The following SUPT3H variants were observed in gnomAD, a reference collection of about 807,000 sequenced individuals.
SUPT3H encodes the protein SPT3 homolog, SAGA and STAGA complex component.
A neutral mutation model predicts 44.3 loss-of-function variants in SUPT3H; 44 were observed. The observed-to-expected ratio is 0.99, with a 90% CI of 0.78 to 1.28. The LOEUF (loss-of-function observed/expected upper bound fraction) is 1.28, where lower values mean the gene tolerates loss of function less well. Among genes scored for constraint, SUPT3H ranks in the 50% most tolerant of loss-of-function variants. The pLI is 0.00. For synonymous variants in SUPT3H, 124 were observed against 125.6 expected (o/e 0.99, Z 0.09); for missense variants, 380 against 387.1 (o/e 0.98, Z 0.15).
At chr6:45,203,488 T>A (rs767832332) in intron 2 of SUPT3H, among the ~76,000 whole-genome samples, 4 of 152,202 alleles carry the variant, frequency 2.6e-5, no homozygotes, top group Non-Finnish European at 5.9e-5. Context: ...TCTTACTGCA[T>A]CCCCTTGCCC....
At chr6:45,100,006 T>G (rs1798326198) in intron 3 of SUPT3H, among the ~76,000 whole-genome samples, 1 of 152,028 alleles carries the variant, frequency 6.6e-6, no homozygotes, top group African/African-American at 2.4e-5. Context: ...GTCTTTTCAA[T>G]AAACGGTGCT....
intron 1 of SUPT3H, among the ~76,000 whole-genome samples, chr6:45,365,846 A>G (rs567457881): frequency 4.0e-5 from 6 of 150,058 alleles, no homozygotes; most frequent in African/African-American, 1.5e-4. Flanking sequence ...AAAAGCCTAA[A>G]ATACAAATAA....
At chr6:45,304,961 AC>A in intron 2 of SUPT3H, among the ~76,000 whole-genome samples, 1 of 152,318 alleles carries the variant, frequency 6.6e-6, no homozygotes, top group Admixed American at 6.5e-5. Flanking sequence ...ACTCAAGAAC[AC>A]CATGGCCTGA....
chr6:45,348,973 T>C (rs1791486173), intron 2 of SUPT3H, among the ~76,000 whole-genome samples: 2 of 152,302 alleles, frequency 1.3e-5, no homozygotes, highest in South Asian at 4.1e-4. Context: ...ACACAGTTCA[T>C]GGCACACCAC....
intron 10 of SUPT3H, among the ~76,000 whole-genome samples, chr6:44,920,975 C>T (rs1768617293): frequency 6.6e-6 from 1 of 152,214 alleles, no homozygotes; most frequent in African/African-American, 2.4e-5. Flanking sequence ...TCCTTCACTT[C>T]CTCAGGCAGA....
intron 2 of SUPT3H, among the ~76,000 whole-genome samples, chr6:45,148,363 T>C (rs781667010): frequency 7.9e-5 from 12 of 152,134 alleles, no homozygotes; most frequent in Non-Finnish European, 1.8e-4. Context: ...GCTAACTAGA[T>C]GGTACAATCA....
chr6:45,123,834 A>C (rs1000158441), intron 2 of SUPT3H, among the ~76,000 whole-genome samples: 2 of 152,204 alleles, frequency 1.3e-5, no homozygotes, highest in African/African-American at 4.8e-5. Context: ...CTGCACTAAA[A>C]CTTATGAATG....
At chr6:45,021,981 T>C (rs1234955421) in intron 3 of SUPT3H, among the ~76,000 whole-genome samples, 2 of 152,004 alleles carry the variant, frequency 1.3e-5, no homozygotes, top group Non-Finnish European at 2.9e-5. Flanking sequence ...TCAGAAACTG[T>C]TTTCAGCAGG....
At chr6:45,284,570 A>G (rs1201287924) in intron 2 of SUPT3H, among the ~76,000 whole-genome samples, 2 of 152,210 alleles carry the variant, frequency 1.3e-5, no homozygotes, top group Non-Finnish European at 2.9e-5. Context: ...TGAATAGACC[A>G]ATAACAGGCT....
intron 2 of SUPT3H, among the ~76,000 whole-genome samples, chr6:45,229,408 A>G (rs919197768): frequency 3.9e-5 from 6 of 152,178 alleles, no homozygotes; most frequent in Admixed American, 6.5e-5. Context: ...TGAAATACAC[A>G]GGATGAAATA....
intron 3 of SUPT3H, among the ~76,000 whole-genome samples, chr6:45,047,382 A>C (rs952836988): frequency 6.6e-6 from 1 of 152,208 alleles, no homozygotes; most frequent in East Asian, 1.9e-4. Context: ...GTATTAGAGC[A>C]CTGAACAAAT....
intron 2 of SUPT3H, among the ~76,000 whole-genome samples, chr6:45,237,697 G>A (rs1278581768): frequency 1.3e-5 from 2 of 152,128 alleles, no homozygotes; most frequent in African/African-American, 4.8e-5. Context: ...ATAGAACAAT[G>A]GCTGCTAAGT....
intron 2 of SUPT3H, among the ~76,000 whole-genome samples, chr6:45,115,424 A>G (rs746489574): frequency 6.6e-6 from 1 of 152,166 alleles, no homozygotes; most frequent in Non-Finnish European, 1.5e-5. Context: ...AAAATGACAT[A>G]TTTTATTCTT....
At chr6:45,110,332 T>C (rs1009796655) in intron 2 of SUPT3H, among the ~76,000 whole-genome samples, 1 of 152,162 alleles carries the variant, frequency 6.6e-6, no homozygotes, top group Non-Finnish European at 1.5e-5. Flanking sequence ...TGTATACTTA[T>C]ACTGGGATCC....
chr6:45,214,741 C>T (rs1026456189), intron 2 of SUPT3H, among the ~76,000 whole-genome samples: 5 of 152,040 alleles, frequency 3.3e-5, no homozygotes, highest in African/African-American at 9.7e-5. Context: ...CCCATTTACT[C>T]GGGAGGGTAA....
At position 45,376,096 on chromosome 6, in the gene SUPT3H, T is replaced by C. The variant is rs73735397; in HGVS notation, c.-1+1672A>G. 3.9e-3 allele frequency among the ~76,000 whole-genome samples: 594 copies of C among 152,298 alleles called. 7 individuals are homozygous for C. Among genetic ancestry groups the C allele is most frequent in the African/African-American group, 0.014 (566 of 41,544 alleles). Reference sequence around the variant, plus strand: ...AACCGACAATCACAAAATAGTACAATAATGTTTAAAGAAAACTCCAGTTAA... The same window carrying C: ...AACCGACAATCACAAAATAGTACAACAATGTTTAAAGAAAACTCCAGTTAA... On this transcript the variant is annotated intron_variant, in intron 1 of 10. Coordinates refer to ENST00000371459, the MANE Select transcript of SUPT3H (RefSeq NM_003599.4).
In SUPT3H at chr6:45,187,867, T is replaced by G. The variant is rs1365106854; in HGVS notation, c.102-81861A>C. Among the ~76,000 whole-genome samples the G allele has an allele frequency of 2.0e-5, 3 of 152,228 alleles. No homozygotes were observed. In the South Asian group the frequency reaches 6.2e-4, roughly 32 times the overall value. ...GAAAAATAATTACAGCAGTTCCCCCTCACCATAGTTTCACTTTCTGAGGTT... is the reference window on the plus strand; with the variant it reads ...GAAAAATAATTACAGCAGTTCCCCCGCACCATAGTTTCACTTTCTGAGGTT... On this transcript the variant is annotated intron_variant, in intron 2 of 10. Coordinates refer to ENST00000371459, the MANE Select transcript of SUPT3H (RefSeq NM_003599.4).
chr6:45,336,574 A>G (rs1056595152), intron 2 of SUPT3H, among the ~76,000 whole-genome samples: 2 of 151,488 alleles, frequency 1.3e-5, no homozygotes, highest in Non-Finnish European at 3.0e-5. Context: ...TTAAATTGCT[A>G]AATTATTTAA....
chr6:45,071,649 T>C (rs1794403035), intron 3 of SUPT3H, among the ~76,000 whole-genome samples: 1 of 152,098 alleles, frequency 6.6e-6, no homozygotes, highest in Non-Finnish European at 1.5e-5. Context: ...TGCACTCCAG[T>C]TTTCTTTTGG....
Sources: allele counts gnomAD v4.1 joint callset (sites outside exome capture counted in the v4.1 genomes callset), GRCh38; gene constraint gnomAD v4.1.1; transcripts MANE v1.5; gene names NCBI Gene and HGNC (gene_info 2026-07-23, HGNC 2026-07-21).